ZNF710: variants seen among roughly 807,000 people sequenced by gnomAD.
The protein encoded by ZNF710 is zinc finger protein 710.
ZNF710 carries 13 observed loss-of-function variants against 50.6 expected under a neutral mutation model. The observed-to-expected ratio is 0.26, with a 90% CI of 0.17 to 0.41. ZNF710 has a LOEUF of 0.41. Among genes scored for constraint, ZNF710 ranks in the 10% least tolerant of loss-of-function variants. The pLI is 1.00. For missense variants in ZNF710, 721 were observed against 936.6 expected (o/e 0.77, Z 3.01); for synonymous variants, 383 against 397.0 (o/e 0.96, Z 0.42).
intron 1 of ZNF710, among the ~76,000 whole-genome samples, chr15:90,052,688 TG>T (rs1455337470): frequency 6.6e-6 from 1 of 152,184 alleles, no homozygotes; most frequent in African/African-American, 2.4e-5. Flanking sequence ...CCCAGCACTT[TG>T]GGAGGCCGAG....
At chr15:90,004,082 G>A (rs1898080456) in intron 1 of ZNF710, among the ~76,000 whole-genome samples, 1 of 152,096 alleles carries the variant, frequency 6.6e-6, no homozygotes, top group Non-Finnish European at 1.5e-5. Flanking sequence ...TGTGGTCAGC[G>A]GGCCATTTTT....
intron 1 of ZNF710, among the ~76,000 whole-genome samples, chr15:90,008,452 ATGT>A (rs1898208524): frequency 1.5e-5 from 2 of 134,010 alleles, no homozygotes; most frequent in African/African-American, 6.0e-5. Flanking sequence ...ATATATATAT[ATGT>A]ATATATATAT....
intron 1 of ZNF710, among the ~76,000 whole-genome samples, chr15:90,028,534 C>G (rs1898842925): frequency 6.6e-6 from 1 of 152,186 alleles, no homozygotes; most frequent in Admixed American, 6.5e-5. Context: ...ATCCTTTTTA[C>G]AATTCTGCCC....
chr15:90,004,697 TC>T (rs1332227453), intron 1 of ZNF710, among the ~76,000 whole-genome samples: 2 of 152,222 alleles, frequency 1.3e-5, no homozygotes, highest in African/African-American at 2.4e-5. Context: ...CAGAGCCTGT[TC>T]CCAGTGCTGT....
At chr15:90,014,161 C>G (rs1898387919) in intron 1 of ZNF710, among the ~76,000 whole-genome samples, 1 of 151,932 alleles carries the variant, frequency 6.6e-6, no homozygotes, top group Non-Finnish European at 1.5e-5. Flanking sequence ...GTATCCTTAG[C>G]TGTAAAATGA....
Position 90,068,987 on chromosome 15 carries a change from C to G in ZNF710, c.1458+392C>G, listed in dbSNP as rs192206737. On this transcript the variant is annotated intron_variant, in intron 2 of 4. Transcript: ENST00000268154. The surrounding 1 kb of genome is among the most constrained non-coding windows in gnomAD (Gnocchi z 5.0). ...TCATGCCTGTAATCCCAGCACTTTGCGAGGCCAAGGCGGGCAGATCACCTG... is the reference window on the plus strand; with the variant it reads ...TCATGCCTGTAATCCCAGCACTTTGGGAGGCCAAGGCGGGCAGATCACCTG... Among the ~76,000 whole-genome samples, 4 of 151,804 alleles carry G rather than the reference C, an allele frequency of 2.6e-5. No individual in the cohort carries two copies. Among genetic ancestry groups the G allele is most frequent in the Admixed American group, 6.6e-5 (1 of 15,252 alleles).
chr15:90,079,001 C>T (rs1900658611), intron 4 of ZNF710, among the ~76,000 whole-genome samples: 1 of 152,146 alleles, frequency 6.6e-6, no homozygotes, highest in African/African-American at 2.4e-5. Context: ...ATGAACCTAC[C>T]CTGAGTGTTT....
chr15:90,005,615 A>C (rs1898121127), intron 1 of ZNF710, among the ~76,000 whole-genome samples: 1 of 152,022 alleles, frequency 6.6e-6, no homozygotes, highest in African/African-American at 2.4e-5. Context: ...CACCCAGCCT[A>C]ATTTTTATAT....
intron 4 of ZNF710, among the ~76,000 whole-genome samples, chr15:90,078,228 A>G (rs2078331294): frequency 6.7e-6 from 1 of 148,916 alleles, no homozygotes; most frequent in Non-Finnish European, 1.5e-5. Context: ...AAAAAAAAAA[A>G]GAAGAGAAAA....
intron 1 of ZNF710, among the ~76,000 whole-genome samples, chr15:90,015,921 A>G (rs183579004): frequency 1.5e-3 from 225 of 152,270 alleles, no homozygotes; most frequent in African/African-American, 5.2e-3. Context: ...ATACGATGCA[A>G]TTCTGTGCAG....
chr15:90,065,696 G>A (rs775209288), intron 1 of ZNF710, among the ~76,000 whole-genome samples: 4 of 152,226 alleles, frequency 2.6e-5, no homozygotes, highest in South Asian at 2.1e-4. Context: ...GGAAGAGGCC[G>A]CTGTGCTGGG....
intron 2 of ZNF710, among the ~76,000 whole-genome samples, chr15:90,071,254 T>A: frequency 1.6e-5 from 2 of 126,916 alleles, no homozygotes; most frequent in Non-Finnish European, 3.2e-5. Context: ...AAAGCAAGAC[T>A]CTGTCTTAAA....
At position 90,073,054 on chromosome 15, in the gene ZNF710, C is replaced by A. The variant is rs934548175; in HGVS notation, c.1459-17C>A. ...GTGCCCATTGTGTGGCCCTGACCATCACCCCCCACCCCACAGGGCGTGAAG... is the reference window on the plus strand; with the variant it reads ...GTGCCCATTGTGTGGCCCTGACCATAACCCCCCACCCCACAGGGCGTGAAG... On this transcript the variant is annotated splice_polypyrimidine_tract_variant and intron_variant, in intron 2 of 4. Transcript: ENST00000268154. The A allele has an allele frequency of 1.2e-6, 2 of 1,608,732 alleles. No homozygotes were observed. The highest frequency in any genetic ancestry group is 1.7e-6 in the Non-Finnish European group (2 of 1,176,506).
chr15:90,077,982 C>T (rs935581969), intron 4 of ZNF710, among the ~76,000 whole-genome samples: 3 of 152,092 alleles, frequency 2.0e-5, no homozygotes, highest in Admixed American at 6.6e-5. Context: ...CCGAGGCAGG[C>T]GGATCACCTG....
chr15:90,026,064 C>T (rs956457203), intron 1 of ZNF710: 1 of 151,440 alleles, frequency 6.6e-6, no homozygotes, highest in African/African-American at 2.4e-5. Flanking sequence ...AAAACAGCCC[C>T]TAAGGAAAAT....
rs141256103 is a variant in ZNF710 at position 90,076,865 on chromosome 15, C to T, written c.1825+2575C>T. 9.7e-3 allele frequency among the ~76,000 whole-genome samples: 1,477 copies of T among 152,200 alleles called. 28 individuals carry two copies. The highest frequency in any genetic ancestry group is 0.033 in the African/African-American group (1,354 of 41,510). On this transcript the variant is annotated intron_variant, in intron 4 of 4. Transcript: ENST00000268154. ...GACTGTCCCTGTACACCTTGTTCCT[C>T]GGGGTGGTTAAGGCACAACCTCTTT...
Position 90,068,504 on chromosome 15 carries a change from A to G in ZNF710, c.1367A>G (p.Lys456Arg). ...AGCCAGTTGCAGAACCACATGCTCA[A>G]GCACCAGAACGTGCGACCCTTCGTG... ...YRSQLQNHML[K>R]HQNVRPFVCT... The change falls in exon 2 of 5, where the codon AAG becomes AGG. Residue 456 changes from lysine to arginine, a missense_variant. Lys to Arg is a conservative substitution (Grantham distance 26). Transcript: ENST00000268154. The surrounding 1 kb of genome is among the most constrained non-coding windows in gnomAD (Gnocchi z 5.0). 6.2e-7 allele frequency: 1 copy of G among 1,613,854 alleles called. No homozygotes were observed. Among genetic ancestry groups the G allele is most frequent in the Non-Finnish European group, 8.5e-7 (1 of 1,180,044 alleles).
intron 1 of ZNF710, among the ~76,000 whole-genome samples, chr15:90,052,857 G>A (rs1018391108): frequency 6.6e-6 from 1 of 152,166 alleles, no homozygotes; most frequent in Non-Finnish European, 1.5e-5. Flanking sequence ...CGCTTGAACC[G>A]GGGAGGCGGA....
At chr15:90,021,200 A>G (rs888611138) in intron 1 of ZNF710, among the ~76,000 whole-genome samples, 1 of 152,258 alleles carries the variant, frequency 6.6e-6, no homozygotes, top group Non-Finnish European at 1.5e-5. Context: ...ACAGAAACAC[A>G]GAGCTGCTCT....
Sources: gnomAD v4.1 joint callset for allele counts (sites outside exome capture counted in the v4.1 genomes callset) on GRCh38, gnomAD v4.1.1 for gene constraint, Gnocchi (gnomAD v3.1) non-coding constraint, MANE v1.5 for transcripts, NCBI Gene and HGNC (gene_info 2026-07-23, HGNC 2026-07-21) for gene names.